PIWIL2: variants seen among roughly 807,000 people sequenced by gnomAD.
PIWIL2 encodes the protein piwi-like protein 2.
Under a neutral mutation model 116.5 loss-of-function variants are expected in PIWIL2, and 81 were observed. The ratio of observed to expected loss-of-function variants is 0.70; its 90% confidence interval spans 0.58 to 0.84. The LOEUF (loss-of-function observed/expected upper bound fraction) is 0.84. Among genes scored for constraint, PIWIL2 ranks in the 40% least tolerant of loss-of-function variants. PIWIL2 has a pLI of 0.00. For synonymous variants in PIWIL2, 489 were observed against 429.5 expected, an observed-to-expected ratio of 1.14 and a Z score of -1.71; for missense variants, 1,272 against 1,212.3, an observed-to-expected ratio of 1.05 and a Z score of -0.73.
rs1477964757 is a variant in PIWIL2 at position 22,357,552 on chromosome 8, AAAC to A, written c.*2051_*2053del. The A allele has an allele frequency of 6.6e-6, 1 of 152,184 alleles. No homozygotes were observed. The highest frequency in any genetic ancestry group is 2.4e-5 in the African/African-American group (1 of 41,448). The allele number at this position is 152,184 out of a possible 1,614,324, so 9.4% of individuals were successfully genotyped here. On this transcript the variant is annotated 3_prime_UTR_variant, in exon 23 of 23. Coordinates refer to ENST00000356766, the MANE Select transcript of PIWIL2 (RefSeq NM_018068.5). ...GATTGGGTCATGGGGTGGGAAATAA[AAAC>A]AACTTTGTATAAATTTGTAGTTGTG...
chr8:22,316,544 C>T (rs1157796286), intron 19 of PIWIL2, among the ~76,000 whole-genome samples: 1 of 151,636 alleles, frequency 6.6e-6, no homozygotes, highest in East Asian at 1.9e-4. Flanking sequence ...TGCAGTGGTG[C>T]TATCTTAGCT....
rs202202138 is a variant in PIWIL2, at chr8:22,283,138, C to T, written c.530C>T (p.Pro177Leu). The change falls in exon 5 of 23, where the codon CCG becomes CTG. Residue 177 changes from proline to leucine, a missense_variant. By Grantham distance (98) the Pro-to-Leu change is moderately conservative (BLOSUM62 -3). Coordinates refer to ENST00000356766, the MANE Select transcript of PIWIL2 (RefSeq NM_018068.5). ...VDKPPCTFST[P>L]SRGPPQLSSP... Reference sequence around the variant, plus strand: ...AAGCCTCCCTGTACCTTCAGCACACCGTCCCGGGGTCCCCCGCAGCTGTCA... The same window carrying T: ...AAGCCTCCCTGTACCTTCAGCACACTGTCCCGGGGTCCCCCGCAGCTGTCA... The T allele has an allele frequency of 1.6e-5, 26 of 1,614,082 alleles. No individual in the cohort carries two copies. The highest frequency in any genetic ancestry group is 1.7e-4 in the Middle Eastern group (1 of 6,060).
chr8:22,325,051 C>A (rs1272494065), intron 20 of PIWIL2, among the ~76,000 whole-genome samples: 1 of 152,184 alleles, frequency 6.6e-6, no homozygotes, highest in Non-Finnish European at 1.5e-5. Flanking sequence ...CAGACTAATA[C>A]AGAAGTCATC....
At chr8:22,352,929 T>A (rs1351129720) in intron 20 of PIWIL2, 30 bp from the exon 21 acceptor site, 8 of 1,592,548 alleles carry the variant, frequency 5.0e-6, no homozygotes, top group Non-Finnish European at 6.9e-6. Flanking sequence ...GAGGGCTCTG[T>A]GAGTCACCAC....
chr8:22,296,727 T>A (rs1261482651), intron 10 of PIWIL2, among the ~76,000 whole-genome samples: 1 of 152,162 alleles, frequency 6.6e-6, no homozygotes, highest in Non-Finnish European at 1.5e-5. Context: ...GCTTTGGGAG[T>A]TTTTCTTTAC....
In PIWIL2 at chr8:22,315,092, C is replaced by T. The variant is rs145656783; in HGVS notation, c.2155C>T (p.Leu719Phe). 6.9e-4 allele frequency: 1,106 copies of T among 1,613,502 alleles called. No homozygotes were observed. Among genetic ancestry groups the T allele is most frequent in the Non-Finnish European group, 8.9e-4 (1,047 of 1,179,448 alleles). Residue 719 changes from leucine to phenylalanine, a missense_variant, in exon 18 of 23, where the codon CTT becomes TTT. Leu to Phe is a conservative substitution (Grantham distance 22). Coordinates refer to ENST00000356766, the MANE Select transcript of PIWIL2 (RefSeq NM_018068.5). ...RLRSVAQKIL[L>F]QINCKLGGEL... is the part of the protein sequence containing the mutation. ...TCGGAGTGTGGCCCAGAAGATTTTA[C>T]TTCAGATTAACTGTAAATTGGGTGG...
chr8:22,342,676 T>A (rs1356690842), intron 20 of PIWIL2, among the ~76,000 whole-genome samples: 1 of 152,090 alleles, frequency 6.6e-6, no homozygotes, highest in Non-Finnish European at 1.5e-5. Flanking sequence ...GAAGATAACA[T>A]AGAAAATCTA....
chr8:22,281,414 G>T lies in PIWIL2; in HGVS notation c.324G>T (p.Leu108=). ...TAGGTCGAGGCTTGTCTGCTAATCT[G>T]GTACGCAAGGACAGGGAGGAACTCT... ...GILGRGLSAN[L]VRKDREELSP... Residue 108 remains leucine (L), a synonymous_variant, in exon 4 of 23, where the codon CTG becomes CTT. Transcript: ENST00000356766. 6.2e-7 allele frequency: 1 copy of T among 1,607,726 alleles called. No homozygotes were observed. Among genetic ancestry groups the T allele is most frequent in the Non-Finnish European group, 8.5e-7 (1 of 1,178,610 alleles).
At chr8:22,325,812 G>A (rs2132071368) in intron 20 of PIWIL2, among the ~76,000 whole-genome samples, 1 of 152,070 alleles carries the variant, frequency 6.6e-6, no homozygotes, top group East Asian at 1.9e-4. Flanking sequence ...AGTATTTTGG[G>A]CATTTGCATC....
intron 16 of PIWIL2, among the ~76,000 whole-genome samples, chr8:22,311,767 CTTAG>C (rs1831337405): frequency 6.7e-6 from 1 of 150,284 alleles, no homozygotes; most frequent in Admixed American, 6.6e-5. Flanking sequence ...GCACTCACAA[CTTAG>C]TTATTCAGGC....
chr8:22,281,919 G>A (rs1290287338), intron 4 of PIWIL2, among the ~76,000 whole-genome samples: 1 of 150,922 alleles, frequency 6.6e-6, no homozygotes, highest in Non-Finnish European at 1.5e-5. Context: ...CTACAGGCAT[G>A]TGGCACCATA....
intron 8 of PIWIL2, among the ~76,000 whole-genome samples, chr8:22,289,150 TTC>T (rs1164488224): frequency 1.3e-5 from 2 of 150,380 alleles, no homozygotes; most frequent in African/African-American, 4.9e-5. Context: ...CTTTTCTTTT[TTC>T]TTTTTTTTTT....
At chr8:22,333,261 C>T (rs1284352140) in intron 20 of PIWIL2, among the ~76,000 whole-genome samples, 1 of 152,024 alleles carries the variant, frequency 6.6e-6, no homozygotes, top group Non-Finnish European at 1.5e-5. Flanking sequence ...GCAAGCAATA[C>T]CTAAGTCTTG....
At chr8:22,298,296 A>G (rs1830961838) in intron 10 of PIWIL2, among the ~76,000 whole-genome samples, 2 of 152,166 alleles carry the variant, frequency 1.3e-5, no homozygotes, top group Non-Finnish European at 2.9e-5. Flanking sequence ...AATATTTTCA[A>G]ATGATATACT....
At chr8:22,344,684 T>TAGGG (rs1168057772) in intron 20 of PIWIL2, among the ~76,000 whole-genome samples, 1 of 152,006 alleles carries the variant, frequency 6.6e-6, no homozygotes, top group Admixed American at 6.6e-5. Context: ...CTGGGCCACA[T>TAGGG]AGGGAGACCC....
chr8:22,296,020 C>CTTTTTTTTTTTTTTTTTTTTTTT (rs67357452), intron 10 of PIWIL2, among the ~76,000 whole-genome samples: 8 of 102,842 alleles, frequency 7.8e-5, no homozygotes, highest in East Asian at 2.5e-4. Context: ...CTCTTCCCTT[C>CTTTTTTTTTTTTTTTTTTTTTTT]TTTTTTTTTT....
intron 21 of PIWIL2, among the ~76,000 whole-genome samples, 175 bp downstream of exon 21, chr8:22,353,387 G>A (rs1220330397): frequency 4.6e-5 from 7 of 152,284 alleles, no homozygotes; most frequent in South Asian, 2.1e-4. Context: ...GGTGGCTCAC[G>A]TCTGTAATCC....
rs1243158637 is a variant in PIWIL2 at position 22,283,082 on chromosome 8, A to T, written c.474A>T (p.Arg158Ser). 6.2e-7 allele frequency: 1 copy of T among 1,614,160 alleles called. No individual in the cohort carries two copies. Among genetic ancestry groups the T allele is most frequent in the Non-Finnish European group, 8.5e-7 (1 of 1,180,010 alleles). Residue 158 changes from arginine (R) to serine (S), a missense_variant, in exon 5 of 23, where the codon AGA (arginine) becomes AGT (serine). Arg to Ser is a moderately radical substitution (Grantham distance 110). Coordinates refer to ENST00000356766, the MANE Select transcript of PIWIL2 (RefSeq NM_018068.5). ...ATGCGTCTTTATTACCACTGGGAAGAGCAGCAGGTGGTATCAGCAGAGAAG... is the reference window on the plus strand; with the variant it reads ...ATGCGTCTTTATTACCACTGGGAAGTGCAGCAGGTGGTATCAGCAGAGAAG... The part of the protein sequence containing the change: ...SSDASLLPLG[R>S]AAGGISREVD...
chr8:22,340,045 ATT>A (rs10626386), intron 20 of PIWIL2, among the ~76,000 whole-genome samples: 5,261 of 93,454 alleles, frequency 0.056, 90 homozygotes, highest in Admixed American at 0.085. Context: ...TATAAAAAGA[ATT>A]TTTTTTTTTT....
Sources: gnomAD v4.1 joint callset for allele counts (sites outside exome capture counted in the v4.1 genomes callset) on GRCh38, gnomAD v4.1.1 for gene constraint, MANE v1.5 for transcripts, NCBI Gene and HGNC (gene_info 2026-07-23, HGNC 2026-07-21) for gene names.